MAML2: variants seen among roughly 807,000 people sequenced by gnomAD.
The protein encoded by MAML2 is mastermind-like protein 2.
Under a neutral mutation model 96.1 loss-of-function variants are expected in MAML2, and 22 were observed. That is an observed-to-expected ratio of 0.23 (90% CI 0.16 to 0.33). MAML2 has a LOEUF of 0.33. Among genes scored for constraint, MAML2 ranks in the 10% least tolerant of loss-of-function variants. The probability of loss-of-function intolerance (pLI) is 1.00; values close to 1 mark genes in which losing one functional copy is unlikely to be tolerated. For synonymous variants in MAML2, 561 were observed against 521.3 expected, an observed-to-expected ratio of 1.08 and a Z score of -1.04; for missense variants, 1,367 against 1,392.4, an observed-to-expected ratio of 0.98 and a Z score of 0.29.
chr11:96,030,184 C>T (rs1242412569), intron 2 of MAML2, among the ~76,000 whole-genome samples: 2 of 151,342 alleles, frequency 1.3e-5, no homozygotes, highest in East Asian at 1.9e-4. Flanking sequence ...TGCAGTGAGC[C>T]GAGATTGCGC....
At chr11:96,259,464 T>C (rs962086877) in intron 1 of MAML2, among the ~76,000 whole-genome samples, 1 of 151,932 alleles carries the variant, frequency 6.6e-6, no homozygotes, top group Non-Finnish European at 1.5e-5. Context: ...AGTGAAAAAC[T>C]TGTCTCCATC....
intron 3 of MAML2, among the ~76,000 whole-genome samples, chr11:95,989,747 C>T (rs1055633989): frequency 6.6e-6 from 1 of 152,156 alleles, no homozygotes; most frequent in Non-Finnish European, 1.5e-5. Flanking sequence ...CTGTGACTCC[C>T]TTAAACCTTA....
chr11:96,291,092 A>G (rs554434446), intron 1 of MAML2, among the ~76,000 whole-genome samples: 1 of 136,270 alleles, frequency 7.3e-6, no homozygotes, highest in African/African-American at 2.8e-5. Context: ...GCCATGTGAC[A>G]TCTGTGTTAG....
At chr11:96,081,322 T>G (rs974676262) in intron 2 of MAML2, among the ~76,000 whole-genome samples, 1 of 152,132 alleles carries the variant, frequency 6.6e-6, no homozygotes, top group Non-Finnish European at 1.5e-5. Flanking sequence ...ATTTATAATA[T>G]TCATATAAGA....
intron 2 of MAML2, among the ~76,000 whole-genome samples, chr11:96,020,040 T>C (rs779908425): frequency 6.6e-6 from 1 of 152,182 alleles, no homozygotes; most frequent in Non-Finnish European, 1.5e-5. Flanking sequence ...TCACATTCTC[T>C]ACATGGTCAA....
At chr11:96,301,831 G>A (rs1335632232) in intron 1 of MAML2, among the ~76,000 whole-genome samples, 1 of 152,102 alleles carries the variant, frequency 6.6e-6, no homozygotes, top group African/African-American at 2.4e-5. Flanking sequence ...AATAGTACTG[G>A]CAAAGAAAGC....
At chr11:96,274,065 TTTTTCC>T (rs1316595542) in intron 1 of MAML2, among the ~76,000 whole-genome samples, 39 of 150,066 alleles carry the variant, frequency 2.6e-4, no homozygotes, top group Admixed American at 3.3e-4. Flanking sequence ...TTTCTTTTTC[TTTTTCC>T]TTTTCCTTTT....
intron 1 of MAML2, among the ~76,000 whole-genome samples, chr11:96,210,508 G>C (rs188913690): frequency 1.3e-5 from 2 of 152,252 alleles, no homozygotes; most frequent in African/African-American, 4.8e-5. Flanking sequence ...ATACCTAAAA[G>C]GTATTCATTC....
At chr11:96,272,486 C>T (rs1007451135) in intron 1 of MAML2, among the ~76,000 whole-genome samples, 2 of 152,030 alleles carry the variant, frequency 1.3e-5, no homozygotes, top group African/African-American at 4.8e-5. Flanking sequence ...TTTTAGAAAA[C>T]AGGACATATT....
In MAML2 at chr11:96,158,207, G is replaced by A. The variant is rs75239341; in HGVS notation, c.514-64690C>T. 6.3e-3 allele frequency among the ~76,000 whole-genome samples: 966 copies of A among 152,352 alleles called. 15 individuals carry two copies. The highest frequency in any genetic ancestry group is 0.021 in the African/African-American group (880 of 41,584). On this transcript the variant is annotated intron_variant, in intron 1 of 4. Transcript: ENST00000524717. The stretch of plus-strand genomic sequence containing the variant: ...AGTCCTATACACTCCAAGATTTGGT[G>A]AAAAATCATAGTTTATTTACAGATG...
intron 3 of MAML2, among the ~76,000 whole-genome samples, chr11:95,986,887 G>A (rs1410108892): frequency 1.3e-5 from 2 of 152,050 alleles, no homozygotes; most frequent in Admixed American, 1.3e-4. Flanking sequence ...GACTTTGGAA[G>A]CTAAGAGAAA....
At chr11:96,299,334 C>T (rs1016503930) in intron 1 of MAML2, among the ~76,000 whole-genome samples, 6 of 151,222 alleles carry the variant, frequency 4.0e-5, no homozygotes, top group Admixed American at 2.0e-4. Flanking sequence ...ATATTCATAA[C>T]AGCACAACAA....
At chr11:95,990,991 C>T (rs559798164) in intron 3 of MAML2, among the ~76,000 whole-genome samples, 1 of 151,990 alleles carries the variant, frequency 6.6e-6, no homozygotes, top group African/African-American at 2.4e-5. Context: ...GCAAAAATCG[C>T]AATCACTTTT....
chr11:96,285,697 C>G (rs780686311), intron 1 of MAML2, among the ~76,000 whole-genome samples: 11 of 152,034 alleles, frequency 7.2e-5, no homozygotes, highest in Non-Finnish European at 1.5e-4. Context: ...TGAAGACATT[C>G]AGGGGGCCAA....
chr11:96,063,942 T>A (rs957605630), intron 2 of MAML2, among the ~76,000 whole-genome samples: 1 of 152,146 alleles, frequency 6.6e-6, no homozygotes, highest in Non-Finnish European at 1.5e-5. Context: ...ATGCTCCCTG[T>A]GTGATTAGAA....
intron 1 of MAML2, among the ~76,000 whole-genome samples, chr11:96,205,331 A>C (rs2135934070): frequency 1.3e-5 from 2 of 152,324 alleles, no homozygotes; most frequent in South Asian, 2.1e-4. Flanking sequence ...GGGCCTTAAC[A>C]TGATGCCTGG....
At chr11:96,115,697 T>C (rs1167646862) in intron 1 of MAML2, among the ~76,000 whole-genome samples, 1 of 152,064 alleles carries the variant, frequency 6.6e-6, no homozygotes, top group East Asian at 1.9e-4. Context: ...ATACATAAAA[T>C]GTCAGGAAGT....
intron 1 of MAML2, among the ~76,000 whole-genome samples, chr11:96,149,883 T>G (rs148779995): frequency 2.0e-4 from 31 of 152,286 alleles, no homozygotes; most frequent in African/African-American, 6.5e-4. Context: ...TCTTCCTTTG[T>G]CTCTGCCTGG....
intron 1 of MAML2, among the ~76,000 whole-genome samples, chr11:96,210,356 A>G (rs559268603): frequency 6.6e-6 from 1 of 152,024 alleles, no homozygotes. Context: ...TGATCTGCCC[A>G]CCTCGGCCTC....
Sources: allele counts gnomAD v4.1 joint callset (sites outside exome capture counted in the v4.1 genomes callset), GRCh38; gene constraint gnomAD v4.1.1; transcripts MANE v1.5; gene names NCBI Gene and HGNC (gene_info 2026-07-23, HGNC 2026-07-21).